Variants in SYT14 observed in about 807,000 individuals in gnomAD.
The protein encoded by SYT14 is synaptotagmin-14.
SYT14 carries 32 observed loss-of-function variants against 74.2 expected under a neutral mutation model. The ratio of observed to expected loss-of-function variants is 0.43; its 90% confidence interval spans 0.33 to 0.58. The LOEUF is 0.58. SYT14 is among the 20% of genes least tolerant of loss of function. The probability of loss-of-function intolerance (pLI) is 0.05; values close to 1 mark genes in which losing one functional copy is unlikely to be tolerated. For synonymous variants in SYT14, 298 were observed against 337.7 expected, an observed-to-expected ratio of 0.88 and a Z score of 1.29; for missense variants, 791 against 981.8, an observed-to-expected ratio of 0.81 and a Z score of 2.60.
intron 2 of SYT14, among the ~76,000 whole-genome samples, chr1:209,973,169 C>CTT (rs796555941): frequency 6.9e-6 from 1 of 145,634 alleles, no homozygotes. Flanking sequence ...GACTCCAGCT[C>CTT]TTTTTTTTTT....
At chr1:210,047,080 A>G (rs1198947324) in intron 5 of SYT14, among the ~76,000 whole-genome samples, 1 of 152,126 alleles carries the variant, frequency 6.6e-6, no homozygotes, top group African/African-American at 2.4e-5. Flanking sequence ...TCATATTGAT[A>G]GGTATAGTTA....
intron 5 of SYT14, among the ~76,000 whole-genome samples, chr1:210,040,196 G>C (rs999787446): frequency 3.9e-5 from 6 of 152,208 alleles, no homozygotes; most frequent in African/African-American, 1.4e-4. Context: ...GCCATAAAAA[G>C]GATGAGTTCA....
At chr1:209,982,511 AT>A (rs1226219866) in intron 2 of SYT14, among the ~76,000 whole-genome samples, 3 of 152,146 alleles carry the variant, frequency 2.0e-5, no homozygotes, top group South Asian at 4.2e-4. Flanking sequence ...AAGTTTTGAA[AT>A]TTTTTTTAAT....
chr1:210,094,422 C>T (rs748533990), exon 6 of SYT14: 3 of 1,613,960 alleles, frequency 1.9e-6, no homozygotes, highest in East Asian at 2.2e-5. Flanking sequence ...CATGTACACC[C>T]TCAGAAATTG....
At chr1:210,128,756 A>G (rs2082619155) in intron 7 of SYT14, among the ~76,000 whole-genome samples, 1 of 152,202 alleles carries the variant, frequency 6.6e-6, no homozygotes, top group East Asian at 1.9e-4. Flanking sequence ...AATCAGAATC[A>G]CTGGAAAGCA....
At chr1:209,947,430 A>T (rs532127408) in intron 1 of SYT14, among the ~76,000 whole-genome samples, 2 of 152,338 alleles carry the variant, frequency 1.3e-5, no homozygotes, top group East Asian at 3.9e-4. Flanking sequence ...GATTCCAACT[A>T]TCATGGATGA....
intron 5 of SYT14, among the ~76,000 whole-genome samples, chr1:210,076,364 A>G (rs2081500749): frequency 2.0e-5 from 3 of 152,206 alleles, no homozygotes; most frequent in African/African-American, 7.2e-5. Flanking sequence ...TTTTACAACC[A>G]TCACAATAAT....
intron 7 of SYT14, among the ~76,000 whole-genome samples, chr1:210,109,557 A>G (rs976235106): frequency 8.7e-5 from 13 of 149,078 alleles, no homozygotes; most frequent in African/African-American, 3.2e-4. Context: ...CAGCTTGGCA[A>G]CAGAGCAAGA....
At chr1:210,121,589 T>G (rs1031969935) in intron 7 of SYT14, among the ~76,000 whole-genome samples, 2 of 151,998 alleles carry the variant, frequency 1.3e-5, no homozygotes, top group East Asian at 1.9e-4. Flanking sequence ...GGTCAGGAGA[T>G]TGAGACCATC....
At chr1:209,996,590 C>T (rs767938721) in intron 2 of SYT14, among the ~76,000 whole-genome samples, 1 of 151,980 alleles carries the variant, frequency 6.6e-6, no homozygotes, top group Non-Finnish European at 1.5e-5. Context: ...GGAGGGACTC[C>T]TCCCTAACTC....
intron 2 of SYT14, among the ~76,000 whole-genome samples, chr1:210,010,785 T>TTAAA (rs1471170487): frequency 1.3e-5 from 2 of 152,166 alleles, no homozygotes; most frequent in Admixed American, 1.3e-4. Flanking sequence ...TGAGTAGTAT[T>TTAAA]TAAAATACAG....
exon 1 of SYT14, chr1:209,938,229 C>A (rs200959890): frequency 1.3e-6 from 2 of 1,528,016 alleles, no homozygotes; most frequent in East Asian, 5.4e-5. Flanking sequence ...CTGCTGCCCC[C>A]GCCATCCAGT....
chr1:210,022,959 A>G (rs954521955), intron 5 of SYT14, among the ~76,000 whole-genome samples: 1 of 152,160 alleles, frequency 6.6e-6, no homozygotes, highest in Non-Finnish European at 1.5e-5. Flanking sequence ...GGAGAGAGGT[A>G]CACAATCTAG....
At chr1:209,954,700 C>A (rs2078964204) in intron 2 of SYT14, among the ~76,000 whole-genome samples, 1 of 150,500 alleles carries the variant, frequency 6.6e-6, no homozygotes, top group Admixed American at 6.6e-5. Flanking sequence ...CTCCTTTATT[C>A]TTTCTCTCTT....
chr1:209,953,368 A>T (rs548578025), intron 2 of SYT14: 620 of 633,172 alleles, frequency 9.8e-4, no homozygotes, highest in Admixed American at 2.0e-3. Flanking sequence ...TCACAAATCT[A>T]TGAAATCATA....
intron 2 of SYT14, among the ~76,000 whole-genome samples, chr1:209,965,173 G>A (rs2079135320): frequency 6.6e-6 from 1 of 152,148 alleles, no homozygotes; most frequent in Non-Finnish European, 1.5e-5. Flanking sequence ...GCTTCTGTTG[G>A]ATCCATCACC....
At chr1:210,072,942 T>C (rs1353783136) in intron 5 of SYT14, among the ~76,000 whole-genome samples, 2 of 151,378 alleles carry the variant, frequency 1.3e-5, no homozygotes, top group Admixed American at 1.3e-4. Context: ...AGAATTATGA[T>C]GGATAAAAGA....
At chr1:210,015,844 A>G in exon 4 of SYT14, 1 of 1,206,106 alleles carries the variant, frequency 8.3e-7, no homozygotes, top group Non-Finnish European at 1.0e-6. Flanking sequence ...TCAATGCATA[A>G]TGTATTTACA....
rs77069530 is a variant in SYT14, at chr1:210,051,540, C to T, written c.1312+30286C>T. 2.9e-3 allele frequency among the ~76,000 whole-genome samples: 445 copies of T among 151,854 alleles called. 2 individuals carry two copies. The highest frequency in any genetic ancestry group is 9.9e-3 in the African/African-American group (410 of 41,406). ...ATTCCCACTCACCTGTGTAGATAACCACTTTTTTTAGTTTCTGGCTTATCA... is the reference window on the plus strand; with the variant it reads ...ATTCCCACTCACCTGTGTAGATAACTACTTTTTTTAGTTTCTGGCTTATCA... On this transcript the variant is annotated intron_variant, in intron 5 of 9. Coordinates refer to ENST00000637265, the Ensembl canonical transcript of SYT14.
Sources: allele counts gnomAD v4.1 joint callset (sites outside exome capture counted in the v4.1 genomes callset), GRCh38; gene constraint gnomAD v4.1.1; transcripts MANE v1.5; gene names NCBI Gene and HGNC (gene_info 2026-07-23, HGNC 2026-07-21).